Variants in TTLL11 observed in about 807,000 individuals in gnomAD.
TTLL11 encodes the protein tubulin polyglutamylase TTLL11.
Under a neutral mutation model 51.7 loss-of-function variants are expected in TTLL11, and 42 were observed. That is an observed-to-expected ratio of 0.81 (90% CI 0.64 to 1.05). The LOEUF is 1.05. TTLL11 is among the 50% of genes least tolerant of loss of function. The pLI, the probability that TTLL11 is intolerant of heterozygous loss-of-function variation, is 0.00. For synonymous variants in TTLL11, 381 were observed against 383.5 expected (o/e 0.99, Z 0.08); for missense variants, 799 against 940.4 (o/e 0.85, Z 1.97).
At chr9:121,827,856 T>C (rs1836865960) in intron 8 of TTLL11, among the ~76,000 whole-genome samples, 1 of 152,148 alleles carries the variant, frequency 6.6e-6, no homozygotes, top group Admixed American at 6.5e-5. Flanking sequence ...TGATTCAAGT[T>C]ACGCTGCAGG....
At chr9:121,904,240 G>C (rs555252982) in intron 6 of TTLL11, among the ~76,000 whole-genome samples, 1 of 150,504 alleles carries the variant, frequency 6.6e-6, no homozygotes, top group Non-Finnish European at 1.5e-5. Context: ...GCAGTGGCAC[G>C]ATCTTGGCTC....
At chr9:122,014,241 T>C (rs975622730) in intron 3 of TTLL11, among the ~76,000 whole-genome samples, 2 of 152,102 alleles carry the variant, frequency 1.3e-5, no homozygotes, top group Admixed American at 1.3e-4. Flanking sequence ...GGCGCAGGCC[T>C]GTAATCTCAG....
At chr9:122,018,213 C>T (rs946951177) in intron 3 of TTLL11, among the ~76,000 whole-genome samples, 4 of 149,984 alleles carry the variant, frequency 2.7e-5, no homozygotes, top group Non-Finnish European at 5.9e-5. Context: ...CCTGGGTTCA[C>T]GTCATTCTTC....
At chr9:122,087,443 G>C (rs2131937957) in intron 1 of TTLL11, among the ~76,000 whole-genome samples, 1 of 152,278 alleles carries the variant, frequency 6.6e-6, no homozygotes, top group South Asian at 2.1e-4. Flanking sequence ...TATAGTAAGT[G>C]TATACTTGTT....
intron 2 of TTLL11, among the ~76,000 whole-genome samples, chr9:122,034,118 C>T (rs915978241): frequency 6.6e-6 from 1 of 152,206 alleles, no homozygotes; most frequent in Non-Finnish European, 1.5e-5. Flanking sequence ...GTAGAGGATG[C>T]CTCCTGACCA....
chr9:121,974,464 GT>G (rs1219558723), intron 5 of TTLL11, among the ~76,000 whole-genome samples: 1 of 152,016 alleles, frequency 6.6e-6, no homozygotes, highest in Non-Finnish European at 1.5e-5. Flanking sequence ...TTTCCTTCCA[GT>G]TTTTTTAAAT....
intron 4 of TTLL11, among the ~76,000 whole-genome samples, chr9:121,985,508 C>CTTTTTTT (rs766262272): frequency 1.4e-4 from 18 of 131,338 alleles, no homozygotes; most frequent in African/African-American, 3.0e-4. Context: ...ATACCATTTT[C>CTTTTTTT]TTTTCTTTTT....
intron 4 of TTLL11, among the ~76,000 whole-genome samples, chr9:121,978,901 T>A (rs148257962): frequency 2.6e-5 from 4 of 152,312 alleles, no homozygotes; most frequent in Middle Eastern, 3.4e-3. Flanking sequence ...AAACTCACTC[T>A]GTGGTCAACT....
chr9:121,952,201 C>T (rs1384668832), intron 6 of TTLL11, among the ~76,000 whole-genome samples: 1 of 152,118 alleles, frequency 6.6e-6, no homozygotes, highest in Non-Finnish European at 1.5e-5. Flanking sequence ...AATCCCAGCA[C>T]TTTGGGAGGC....
At chr9:122,048,354 T>C (rs559268926) in intron 1 of TTLL11, among the ~76,000 whole-genome samples, 4 of 151,920 alleles carry the variant, frequency 2.6e-5, no homozygotes, top group African/African-American at 9.7e-5. Flanking sequence ...TTTTGTAGAG[T>C]CAGAGTTGCG....
intron 1 of TTLL11, among the ~76,000 whole-genome samples, chr9:122,054,704 C>T (rs564924732): frequency 1.3e-5 from 2 of 152,284 alleles, no homozygotes; most frequent in Admixed American, 1.3e-4. Flanking sequence ...CCATTATACC[C>T]TGCAAATTAT....
In TTLL11 at chr9:122,092,914, G is replaced by T; in HGVS notation, c.235C>A (p.Gln79Lys). 6.3e-7 allele frequency: 1 copy of T among 1,578,722 alleles called. No individual in the cohort carries two copies. Among genetic ancestry groups the T allele is most frequent in the East Asian group, 2.3e-5 (1 of 43,782 alleles). ...QPSAAEEGNT[Q>K]VLQRPPPTLP... Reference sequence around the variant, plus strand: ...GTGGGCGGCGGCCGCTGAAGGACCTGGGTGTTCCCCTCCTCAGCCGCACTG... The same window carrying T: ...GTGGGCGGCGGCCGCTGAAGGACCTTGGTGTTCCCCTCCTCAGCCGCACTG... The change falls in exon 1 of 9, where the codon CAG (glutamine) becomes AAG (lysine). Residue 79 changes from glutamine to lysine, a missense_variant. Transcript: ENST00000321582.
chr9:122,077,554 CA>C (rs1845893461), intron 1 of TTLL11, among the ~76,000 whole-genome samples: 1 of 151,782 alleles, frequency 6.6e-6, no homozygotes, highest in Non-Finnish European at 1.5e-5. Flanking sequence ...TATGAAATCA[CA>C]ATCACAGAAG....
At chr9:122,058,779 C>G (rs186058605) in intron 1 of TTLL11, among the ~76,000 whole-genome samples, 1 of 152,314 alleles carries the variant, frequency 6.6e-6, no homozygotes, top group East Asian at 1.9e-4. Context: ...GAGATGAGAG[C>G]TGTTATTCCT....
intron 8 of TTLL11, among the ~76,000 whole-genome samples, chr9:121,826,061 C>T (rs1463061416): frequency 6.7e-6 from 1 of 149,018 alleles, no homozygotes; most frequent in Admixed American, 6.7e-5. Flanking sequence ...CCCCTTACTA[C>T]TATTTGAATT....
chr9:121,988,429 C>T (rs1008033779), intron 4 of TTLL11, among the ~76,000 whole-genome samples: 2 of 151,986 alleles, frequency 1.3e-5, no homozygotes, highest in African/African-American at 2.4e-5. Context: ...TCCCTCATCT[C>T]CCCCGCATCT....
At chr9:121,978,049 C>T (rs151302600) in intron 4 of TTLL11, among the ~76,000 whole-genome samples, 20 of 152,244 alleles carry the variant, frequency 1.3e-4, no homozygotes, top group Middle Eastern at 3.4e-3. Flanking sequence ...GTGAACTAAA[C>T]AAGTCTTAGA....
intron 3 of TTLL11, among the ~76,000 whole-genome samples, chr9:122,017,639 T>A (rs1844027125): frequency 6.6e-6 from 1 of 152,016 alleles, no homozygotes; most frequent in African/African-American, 2.4e-5. Flanking sequence ...ATTTTTGTAT[T>A]TTTAGTAGAG....
intron 1 of TTLL11, among the ~76,000 whole-genome samples, chr9:122,041,445 A>G (rs1844843352): frequency 6.6e-6 from 1 of 152,242 alleles, no homozygotes; most frequent in Admixed American, 6.5e-5. Context: ...CAAGAGAAAG[A>G]TATAGAAGGT....
Sources: allele counts gnomAD v4.1 joint callset (sites outside exome capture counted in the v4.1 genomes callset), GRCh38; gene constraint gnomAD v4.1.1; transcripts MANE v1.5; gene names NCBI Gene and HGNC (gene_info 2026-07-23, HGNC 2026-07-21).